Variants in NEDD9 observed in about 807,000 individuals in gnomAD.
NEDD9 encodes enhancer of filamentation 1.
A neutral mutation model predicts 76.6 loss-of-function variants in NEDD9; 26 were observed. That is an observed-to-expected ratio of 0.34 (90% CI 0.25 to 0.47). NEDD9 has a LOEUF of 0.47. Among genes scored for constraint, NEDD9 ranks in the 20% least tolerant of loss-of-function variants. The pLI, the probability that NEDD9 is intolerant of heterozygous loss-of-function variation, is 1.00. For missense variants in NEDD9, 937 were observed against 1,058.5 expected, an observed-to-expected ratio of 0.89 and a Z score of 1.59; for synonymous variants, 392 against 414.2, an observed-to-expected ratio of 0.95 and a Z score of 0.65.
chr6:11,238,386 A>C (rs1335295137), intron 3 of NEDD9, among the ~76,000 whole-genome samples: 1 of 152,214 alleles, frequency 6.6e-6, no homozygotes, highest in Admixed American at 6.5e-5. Context: ...TGAATGAATG[A>C]ATTAATGCAC....
At chr6:11,207,401 T>G (rs1758645851) in intron 2 of NEDD9, 1 of 152,216 alleles carries the variant, frequency 6.6e-6, no homozygotes, top group Non-Finnish European at 1.5e-5. Flanking sequence ...GATGACTCAG[T>G]GTCTAGGAAG....
chr6:11,242,636 T>C (rs79783308), intron 3 of NEDD9, among the ~76,000 whole-genome samples: 2 of 151,626 alleles, frequency 1.3e-5, no homozygotes, highest in Non-Finnish European at 2.9e-5. Flanking sequence ...GCTCTGTGCA[T>C]TTTTTTTCTC....
At chr6:11,376,313 G>A (rs1407338306) in intron 1 of NEDD9, among the ~76,000 whole-genome samples, 1 of 152,224 alleles carries the variant, frequency 6.6e-6, no homozygotes, top group African/African-American at 2.4e-5. Flanking sequence ...CTCAGAAAAA[G>A]ACAGGAAGAT....
chr6:11,213,734 G>A lies in NEDD9; in HGVS notation c.13-7C>T. On this transcript the variant is annotated splice_polypyrimidine_tract_variant and splice_region_variant and intron_variant, in intron 1 of 6. Coordinates refer to ENST00000379446, the MANE Select transcript of NEDD9 (RefSeq NM_006403.4). This position sits in a 1 kb window ranked among gnomAD's most constrained non-coding sequence, Gnocchi z 5.4. The stretch of plus-strand genomic sequence containing the variant: ...AGGCCCTTGCCATAAGATTCTAGGA[G>A]GGAAGGAAGAGAAGGAAACCGTGTT... The A allele has an allele frequency of 6.2e-7, 1 of 1,612,536 alleles. No homozygotes were observed. The highest frequency in any genetic ancestry group is 8.5e-7 in the Non-Finnish European group (1 of 1,178,818).
chr6:11,233,142 CCTCT>C (rs70991101), upstream of NEDD9: 44 of 449,210 alleles, frequency 9.8e-5, no homozygotes, highest in Non-Finnish European at 1.9e-4. Flanking sequence ...CCTGCTGATA[CCTCT>C]CTCTCTCTCT....
intron 3 of NEDD9, among the ~76,000 whole-genome samples, chr6:11,285,396 C>G (rs1056062669): frequency 6.6e-6 from 1 of 152,120 alleles, no homozygotes; most frequent in South Asian, 2.1e-4. Context: ...AGACTTATAT[C>G]GGTAAGATGT....
intron 2 of NEDD9, among the ~76,000 whole-genome samples, chr6:11,317,839 A>G (rs759748068): frequency 1.4e-4 from 21 of 152,156 alleles, no homozygotes; most frequent in Non-Finnish European, 2.6e-4. Context: ...TTGGGCAAAC[A>G]TTATTCTGGG....
At chr6:11,332,894 A>G (rs1198214798) in intron 2 of NEDD9, among the ~76,000 whole-genome samples, 1 of 152,204 alleles carries the variant, frequency 6.6e-6, no homozygotes, top group Non-Finnish European at 1.5e-5. Flanking sequence ...TCTTCAGCAA[A>G]ATAAATGCTG....
intron 1 of NEDD9, among the ~76,000 whole-genome samples, chr6:11,227,561 A>G (rs549903543): frequency 9.7e-4 from 148 of 152,280 alleles, no homozygotes; most frequent in African/African-American, 3.4e-3. Flanking sequence ...CTAACACAAG[A>G]GCATAAAACA....
intron 2 of NEDD9, among the ~76,000 whole-genome samples, chr6:11,208,728 C>T (rs535540791): frequency 4.7e-4 from 71 of 152,132 alleles, no homozygotes; most frequent in Non-Finnish European, 1.9e-4. Context: ...AGAATAAAAG[C>T]GACACATCCA....
At chr6:11,206,541 G>A (rs940995446) in intron 2 of NEDD9, among the ~76,000 whole-genome samples, 1 of 152,214 alleles carries the variant, frequency 6.6e-6, no homozygotes, top group Non-Finnish European at 1.5e-5. Context: ...TATTAAAGCA[G>A]TCTCTTACCT....
chr6:11,291,789 A>G (rs1760781807), intron 3 of NEDD9, among the ~76,000 whole-genome samples: 1 of 152,224 alleles, frequency 6.6e-6, no homozygotes, highest in Admixed American at 6.5e-5. Context: ...CTTAGAAACG[A>G]ATAAAGGCAA....
Position 11,190,307 on chromosome 6 carries a change from G to T in NEDD9, c.1562C>A (p.Pro521His). 1 of 1,614,184 alleles carries T rather than the reference G, an allele frequency of 6.2e-7. No individual in the cohort carries two copies. The highest frequency in any genetic ancestry group is 8.5e-7 in the Non-Finnish European group (1 of 1,180,046). Reference protein sequence around the residue: ...WSLNILAINKPQNKCDDLDRF... With the variant: ...WSLNILAINKHQNKCDDLDRF... ...GTCCAGATCGTCACACTTGTTCTGG[G>T]GCTTGTTGATGGCCAAGATATTCAG... Residue 521 changes from proline to histidine, a missense_variant, in exon 5 of 7, where the codon CCC becomes CAC. Pro to His is a moderately conservative substitution (Grantham distance 77). Coordinates refer to ENST00000379446, the MANE Select transcript of NEDD9 (RefSeq NM_006403.4). The surrounding 1 kb of genome is among the most constrained non-coding windows in gnomAD (Gnocchi z 5.8).
intron 4 of NEDD9, among the ~76,000 whole-genome samples, chr6:11,191,593 G>A (rs557452182): frequency 1.4e-4 from 21 of 152,236 alleles, no homozygotes; most frequent in African/African-American, 3.9e-4. Flanking sequence ...CTGCATAGGC[G>A]TCTGAAACAC....
chr6:11,271,018 T>G (rs1345375789), intron 3 of NEDD9, among the ~76,000 whole-genome samples: 1 of 152,132 alleles, frequency 6.6e-6, no homozygotes, highest in African/African-American at 2.4e-5. Context: ...TTTGGCCCAT[T>G]CTTCAAGTTC....
chr6:11,208,612 A>G (rs1048259394), intron 2 of NEDD9, among the ~76,000 whole-genome samples: 3 of 152,240 alleles, frequency 2.0e-5, no homozygotes, highest in African/African-American at 7.2e-5. Flanking sequence ...CCAAGTGCTC[A>G]GCCTACAGCA....
At chr6:11,217,037 C>T (rs1758974393) in intron 1 of NEDD9, among the ~76,000 whole-genome samples, 1 of 152,168 alleles carries the variant, frequency 6.6e-6, no homozygotes, top group South Asian at 2.1e-4. Context: ...AATAATGATA[C>T]TACTTGATAA....
At chr6:11,203,559 G>C (rs1210235222) in intron 2 of NEDD9, among the ~76,000 whole-genome samples, 1 of 152,228 alleles carries the variant, frequency 6.6e-6, no homozygotes, top group Non-Finnish European at 1.5e-5. Context: ...CTCGGTGCCA[G>C]CTCTGAAGGT....
intron 1 of NEDD9, among the ~76,000 whole-genome samples, chr6:11,381,572 C>A (rs900464670): frequency 1.3e-5 from 2 of 152,144 alleles, no homozygotes; most frequent in African/African-American, 4.8e-5. Flanking sequence ...AGCTCTTGGG[C>A]GGCTCACTAT....
Sources: allele counts gnomAD v4.1 joint callset (sites outside exome capture counted in the v4.1 genomes callset), GRCh38; gene constraint gnomAD v4.1.1; non-coding constraint Gnocchi (gnomAD v3.1); transcripts MANE v1.5; gene names NCBI Gene and HGNC (gene_info 2026-07-23, HGNC 2026-07-21).